The following NFIA variants were observed in gnomAD, a reference collection of about 807,000 sequenced individuals.
NFIA encodes the protein nuclear factor 1 A-type.
Under a neutral mutation model 62.8 loss-of-function variants are expected in NFIA, and 8 were observed. That is an observed-to-expected ratio of 0.13 (90% CI 0.07 to 0.23). The LOEUF (loss-of-function observed/expected upper bound fraction) is 0.23, where lower values mean the gene tolerates loss of function less well. Ranked by LOEUF, NFIA falls within the 10% of genes least tolerant of loss-of-function variation. The pLI is 1.00. For missense variants in NFIA, 410 were observed against 642.1 expected (o/e 0.64, Z 3.91); for synonymous variants, 235 against 238.1 (o/e 0.99, Z 0.12).
chr1:61,451,906 G>C (rs1418409904), intron 10 of NFIA, among the ~76,000 whole-genome samples: 2 of 152,142 alleles, frequency 1.3e-5, no homozygotes, highest in Non-Finnish European at 2.9e-5. Context: ...GATAGTTTTT[G>C]TTTAATGTGT....
At chr1:61,270,647 A>G (rs777169631) in intron 2 of NFIA, among the ~76,000 whole-genome samples, 3 of 152,226 alleles carry the variant, frequency 2.0e-5, no homozygotes, top group African/African-American at 4.8e-5. Flanking sequence ...TCAAGTATAT[A>G]TCATCCTGTT....
At chr1:61,236,708 A>C (rs764944080) in intron 2 of NFIA, among the ~76,000 whole-genome samples, 1 of 152,064 alleles carries the variant, frequency 6.6e-6, no homozygotes, top group Non-Finnish European at 1.5e-5. Flanking sequence ...ATTGTCTAAA[A>C]TGGCTCAGTG....
chr1:61,338,625 G>C (rs1030764137), intron 4 of NFIA, among the ~76,000 whole-genome samples: 1 of 152,200 alleles, frequency 6.6e-6, no homozygotes, highest in African/African-American at 2.4e-5. Flanking sequence ...TTCTAAGACA[G>C]AATGAACTCG....
rs1646132234 is a variant in NFIA, at chr1:61,082,682, C to G, written c.-110C>G. On this transcript the variant is annotated 5_prime_UTR_variant, in exon 1 of 11. Transcript: ENST00000403491. ...TTTTTTTCTCCCCCCTTCTCTCTCTCTCTCTCTCTCTCTCTTCCTCTCTCC... is the reference window on the plus strand; with the variant it reads ...TTTTTTTCTCCCCCCTTCTCTCTCTGTCTCTCTCTCTCTCTTCCTCTCTCC... 6.5e-7 allele frequency: 1 copy of G among 1,534,028 alleles called. No homozygotes were observed. The highest frequency in any genetic ancestry group is 2.0e-5 in the Admixed American group (1 of 48,846).
chr1:61,110,386 T>C (rs1035173978), intron 2 of NFIA, among the ~76,000 whole-genome samples: 3 of 151,986 alleles, frequency 2.0e-5, no homozygotes, highest in Admixed American at 6.6e-5. Flanking sequence ...GTGAAAAATA[T>C]ATAGTTCACA....
intron 2 of NFIA, among the ~76,000 whole-genome samples, chr1:61,194,128 C>A (rs1651834148): frequency 6.6e-6 from 1 of 152,130 alleles, no homozygotes; most frequent in Non-Finnish European, 1.5e-5. Flanking sequence ...GACCTAGGTT[C>A]AAATCCTTAC....
chr1:61,428,953 T>A (rs533518828), intron 10 of NFIA, among the ~76,000 whole-genome samples: 108 of 152,308 alleles, frequency 7.1e-4, no homozygotes, highest in African/African-American at 2.5e-3. Flanking sequence ...ATACTTAAGC[T>A]TTCTAAATGT....
intron 2 of NFIA, chr1:61,125,136 T>C (rs992239528): frequency 6.6e-6 from 1 of 152,236 alleles, no homozygotes; most frequent in African/African-American, 2.4e-5. Flanking sequence ...ATTCCCTCTT[T>C]ATAAAACTAT....
intron 3 of NFIA, among the ~76,000 whole-genome samples, chr1:61,278,515 C>T (rs1657946822): frequency 6.6e-6 from 1 of 151,876 alleles, no homozygotes; most frequent in African/African-American, 2.4e-5. Flanking sequence ...GTGGGCTGGG[C>T]GTGGTGGCTT....
chr1:61,254,665 C>T (rs1355403759), intron 2 of NFIA, among the ~76,000 whole-genome samples: 1 of 152,136 alleles, frequency 6.6e-6, no homozygotes, highest in Non-Finnish European at 1.5e-5. Context: ...AGTCTCAGAG[C>T]ACAGTAAGAT....
At chr1:61,432,854 T>C (rs1382784362) in intron 10 of NFIA, among the ~76,000 whole-genome samples, 1 of 152,014 alleles carries the variant, frequency 6.6e-6, no homozygotes, top group Non-Finnish European at 1.5e-5. Context: ...GCCAAATGAA[T>C]ATTCTACAGC....
chr1:61,173,965 TTATTCTGTG>T (rs1650153692), intron 2 of NFIA, among the ~76,000 whole-genome samples: 1 of 152,148 alleles, frequency 6.6e-6, no homozygotes, highest in African/African-American at 2.4e-5. Context: ...TAAATAAATA[TTATTCTGTG>T]TTAGGGAAAA....
intron 3 of NFIA, among the ~76,000 whole-genome samples, chr1:61,302,661 A>G (rs951651277): frequency 2.0e-5 from 3 of 152,240 alleles, no homozygotes; most frequent in Non-Finnish European, 2.9e-5. Flanking sequence ...TGTAATCAGC[A>G]CAAATTAGTT....
At chr1:61,361,534 C>T (rs1256032912) in intron 6 of NFIA, among the ~76,000 whole-genome samples, 1 of 152,098 alleles carries the variant, frequency 6.6e-6, no homozygotes, top group African/African-American at 2.4e-5. Context: ...TTGAGGTACT[C>T]AGAGCTCCCC....
At chr1:61,321,144 A>C (rs1372597803) in intron 3 of NFIA, among the ~76,000 whole-genome samples, 7 of 152,182 alleles carry the variant, frequency 4.6e-5, no homozygotes, top group Admixed American at 3.9e-4. Context: ...TAAGCTTATA[A>C]AATACTGATA....
chr1:61,142,249 G>A (rs1311743801), intron 2 of NFIA, among the ~76,000 whole-genome samples: 2 of 152,096 alleles, frequency 1.3e-5, no homozygotes, highest in Admixed American at 6.6e-5. Context: ...AAATTATGTT[G>A]CAAAGAAGAA....
At chr1:61,082,856 G>A in intron 1 of NFIA, 38 bp downstream of exon 1, 1 of 1,545,066 alleles carries the variant, frequency 6.5e-7, no homozygotes, top group Non-Finnish European at 8.7e-7. Context: ...TTGGGGGCCG[G>A]GGCGCCGGGG....
At chr1:61,077,930 C>T (rs1215793387), upstream of NFIA, among the ~76,000 whole-genome samples, 1 of 150,776 alleles carries the variant, frequency 6.6e-6, no homozygotes, top group Non-Finnish European at 1.5e-5. Context: ...TGCTCGGTTC[C>T]AGAAAGGGGT....
chr1:61,096,371 GC>G (rs1333194415), intron 2 of NFIA, among the ~76,000 whole-genome samples: 2 of 151,506 alleles, frequency 1.3e-5, no homozygotes, highest in East Asian at 3.9e-4. Flanking sequence ...GCACCCCCAT[GC>G]ATGTAATTTT....
Sources: gnomAD v4.1 joint callset for allele counts (sites outside exome capture counted in the v4.1 genomes callset) on GRCh38, gnomAD v4.1.1 for gene constraint, MANE v1.5 for transcripts, NCBI Gene and HGNC (gene_info 2026-07-23, HGNC 2026-07-21) for gene names.